Variants in RNF214 observed in about 807,000 individuals in gnomAD.
The protein encoded by RNF214 is ring finger protein 214.
Under a neutral mutation model 75.9 loss-of-function variants are expected in RNF214, and 25 were observed. The ratio of observed to expected loss-of-function variants is 0.33; its 90% CI spans 0.24 to 0.46. The LOEUF (loss-of-function observed/expected upper bound fraction) is 0.46, where lower values mean the gene tolerates loss of function less well. Ranked by LOEUF, RNF214 falls within the 20% of genes least tolerant of loss-of-function variation. The probability of loss-of-function intolerance (pLI) is 1.00; values close to 1 mark genes in which losing one functional copy is unlikely to be tolerated. For missense variants in RNF214, 725 were observed against 857.5 expected (o/e 0.85, Z 1.93); for synonymous variants, 314 against 308.8 (o/e 1.02, Z -0.18).
intron 6 of RNF214, among the ~76,000 whole-genome samples, chr11:117,266,817 T>G (rs543649148): frequency 1.3e-5 from 2 of 151,520 alleles, no homozygotes; most frequent in East Asian, 3.9e-4. Context: ...TTTTGTTCTA[T>G]TTCTCATATT....
intron 6 of RNF214, among the ~76,000 whole-genome samples, chr11:117,252,992 A>G (rs2033437762): frequency 6.6e-6 from 1 of 152,228 alleles, no homozygotes; most frequent in South Asian, 2.1e-4. Context: ...GAAGGTAGTC[A>G]CTATGTATTT....
chr11:117,281,210 G>A (rs2034121021), intron 8 of RNF214, 104 bp from the exon 9 acceptor site: 1 of 760,454 alleles, frequency 1.3e-6, no homozygotes. Context: ...CTGAGCTCAA[G>A]TGATCTGCCC....
chr11:117,240,023 A>G (rs569805351), intron 4 of RNF214, among the ~76,000 whole-genome samples, 163 bp downstream of exon 4: 1 of 151,686 alleles, frequency 6.6e-6, no homozygotes, highest in African/African-American at 2.4e-5. Context: ...GAAGCTTACT[A>G]CCTCACAAAG....
chr11:117,280,117 T>C, intron 7 of RNF214, 54 bp from the exon 8 acceptor site: 1 of 1,512,902 alleles, frequency 6.6e-7, no homozygotes, highest in Non-Finnish European at 9.2e-7. Flanking sequence ...TACCTAGAGG[T>C]ACCTTTGTGT....
At chr11:117,246,604 A>T (rs1375285425) in intron 5 of RNF214, among the ~76,000 whole-genome samples, 1 of 152,186 alleles carries the variant, frequency 6.6e-6, no homozygotes, top group Non-Finnish European at 1.5e-5. Flanking sequence ...TTTCCTGTTG[A>T]GTTGAAATCT....
At chr11:117,264,009 A>G (rs1377384251) in intron 6 of RNF214, 1 of 157,438 alleles carries the variant, frequency 6.4e-6, no homozygotes, top group East Asian at 1.8e-4. Context: ...TCTTCTTGGT[A>G]GACTTACTTT....
chr11:117,241,409 A>G (rs147108905), intron 4 of RNF214, among the ~76,000 whole-genome samples: 3,198 of 151,722 alleles, frequency 0.021, 129 homozygotes, highest in African/African-American at 0.073. Flanking sequence ...GTGAAACCCC[A>G]TCTCTACTAA....
intron 4 of RNF214, among the ~76,000 whole-genome samples, chr11:117,240,190 A>C (rs1000344447): frequency 1.3e-5 from 2 of 151,202 alleles, no homozygotes; most frequent in East Asian, 3.9e-4. Flanking sequence ...CCATGTCTAC[A>C]AAAAATACAA....
At chr11:117,259,707 C>T (rs1177082343) in intron 6 of RNF214, among the ~76,000 whole-genome samples, 5 of 150,972 alleles carry the variant, frequency 3.3e-5, no homozygotes, top group African/African-American at 4.9e-5. Context: ...GCTTATTGGC[C>T]GTTTGTATAT....
At chr11:117,235,159 T>G (rs2032867723) in intron 2 of RNF214, among the ~76,000 whole-genome samples, 1 of 152,168 alleles carries the variant, frequency 6.6e-6, no homozygotes, top group Admixed American at 6.6e-5. Flanking sequence ...AACCATCCAA[T>G]TTTTTTCTGA....
chr11:117,246,715 G>A (rs545287621), intron 5 of RNF214, 94 bp from the exon 6 acceptor site: 3 of 1,265,918 alleles, frequency 2.4e-6, no homozygotes, highest in South Asian at 2.2e-5. Flanking sequence ...AAGTCAATAC[G>A]TGAATTTGTG....
chr11:117,247,142 T>C (rs1039737714), intron 6 of RNF214, among the ~76,000 whole-genome samples, 194 bp downstream of exon 6: 7 of 152,226 alleles, frequency 4.6e-5, no homozygotes, highest in Non-Finnish European at 7.3e-5. Context: ...TTCAGAGATT[T>C]ATTAAATACT....
rs780408666 is a variant in RNF214 at position 117,244,430 on chromosome 11, T to TC, written c.679-14dup. 18 of 1,602,466 alleles carry TC rather than the reference T, an allele frequency of 1.1e-5. No homozygotes were observed. Among genetic ancestry groups the TC allele is most frequent in the Non-Finnish European group, 1.2e-5 (14 of 1,174,600 alleles). On this transcript the variant is annotated splice_polypyrimidine_tract_variant and intron_variant, in intron 4 of 14. Transcript: ENST00000300650. ...TAAATTAGGAAATAAGCTTTTCTTG[T>TC]CTTGTTCATAATAGGATAAAATGAT... is the stretch of plus-strand genomic sequence containing the variant.
At chr11:117,251,030 G>A (rs1243363555) in intron 6 of RNF214, among the ~76,000 whole-genome samples, 1 of 148,520 alleles carries the variant, frequency 6.7e-6, no homozygotes, top group Non-Finnish European at 1.5e-5. Context: ...ACACAGACAC[G>A]GCAACCATCC....
chr11:117,285,074 C>CT lies in RNF214; in HGVS notation c.2047-9dup. On this transcript the variant is annotated splice_polypyrimidine_tract_variant and intron_variant, in intron 14 of 14. Coordinates refer to ENST00000300650, the MANE Select transcript of RNF214 (RefSeq NM_207343.4). The stretch of plus-strand genomic sequence containing the variant: ...CCAGATAAACCTGAGGTGTGTCTTT[C>CT]TTTCTTTCCAGTGTATCAAATTCTG... The CT allele has an allele frequency of 6.3e-7, 1 of 1,599,690 alleles. No individual in the cohort carries two copies. Among genetic ancestry groups the CT allele is most frequent in the Non-Finnish European group, 8.6e-7 (1 of 1,167,298 alleles).
chr11:117,239,932 T>A, intron 4 of RNF214, 72 bp downstream of exon 4: 1 of 822,626 alleles, frequency 1.2e-6, no homozygotes. Flanking sequence ...ATCATCTCAG[T>A]TGGAAAAGGT....
intron 4 of RNF214, among the ~76,000 whole-genome samples, chr11:117,242,786 G>T (rs568548895): frequency 6.6e-6 from 1 of 152,148 alleles, no homozygotes; most frequent in Non-Finnish European, 1.5e-5. Flanking sequence ...CTCGGGAGGC[G>T]GAGGTTGCCG....
chr11:117,244,748 C>T lies in RNF214; in HGVS notation c.819+163C>T, dbSNP rs969589211. ...TAGCATAATCTTGGCTCACTGCAGCCTCTGTCTCCTGGGCTTAAGTGATCT... is the reference window on the plus strand; with the variant it reads ...TAGCATAATCTTGGCTCACTGCAGCTTCTGTCTCCTGGGCTTAAGTGATCT... On this transcript the variant is annotated intron_variant, in intron 5 of 14. Coordinates refer to ENST00000300650, the MANE Select transcript of RNF214 (RefSeq NM_207343.4). Among the ~76,000 whole-genome samples, 3 of 151,972 alleles carry T rather than the reference C, an allele frequency of 2.0e-5. No homozygotes were observed. In the East Asian group the frequency reaches 5.8e-4, roughly 30 times the overall value.
chr11:117,260,946 G>T (rs1565339584), intron 6 of RNF214, among the ~76,000 whole-genome samples: 1 of 149,712 alleles, frequency 6.7e-6, no homozygotes, highest in African/African-American at 2.5e-5. Context: ...GAGCCACCTC[G>T]CCCGGCCAAG....
Sources: gnomAD v4.1 joint callset for allele counts (sites outside exome capture counted in the v4.1 genomes callset) on GRCh38, gnomAD v4.1.1 for gene constraint, MANE v1.5 for transcripts, NCBI Gene and HGNC (gene_info 2026-07-23, HGNC 2026-07-21) for gene names.